The following ACTR3C variants were observed in gnomAD, a reference collection of about 807,000 sequenced individuals.
ACTR3C encodes the protein actin related protein 3C, also known as actin-related protein 3C.
In ACTR3C, 18 loss-of-function variants were observed where a neutral mutation model predicts 26.3. The ratio of observed to expected loss-of-function variants is 0.68; its 90% CI spans 0.47 to 1.01. The LOEUF is 1.01. Among genes scored for constraint, ACTR3C ranks in the 50% least tolerant of loss-of-function variants. The pLI is 0.00. For missense variants in ACTR3C, 184 were observed against 250.7 expected (o/e 0.73, Z 1.80); for synonymous variants, 55 against 94.5 (o/e 0.58, Z 2.42).
intron 6 of ACTR3C, among the ~76,000 whole-genome samples, chr7:150,256,884 G>A (rs1222962007): frequency 2.6e-5 from 4 of 152,118 alleles, no homozygotes; most frequent in Non-Finnish European, 4.4e-5. Context: ...GGCTTCTCAA[G>A]TAAACATGGT....
chr7:149,894,651 A>G, the ACTR3C span, among the ~76,000 whole-genome samples: 1 of 152,266 alleles, frequency 6.6e-6, no homozygotes, highest in East Asian at 1.9e-4. Context: ...CAATATCACT[A>G]ATCATCGGGG....
chr7:150,140,355 A>G, the ACTR3C span, among the ~76,000 whole-genome samples: 1 of 152,182 alleles, frequency 6.6e-6, no homozygotes, highest in Non-Finnish European at 1.5e-5. Flanking sequence ...AGGCCTTTGA[A>G]TTATAAAATT....
chr7:149,898,757 T>TCA, the ACTR3C span, among the ~76,000 whole-genome samples: 5 of 151,414 alleles, frequency 3.3e-5, no homozygotes, highest in African/African-American at 9.7e-5. Context: ...TTAAAACACA[T>TCA]CACACACACA....
At chr7:150,125,552 A>G in the ACTR3C span, among the ~76,000 whole-genome samples, 515 of 148,948 alleles carry the variant, frequency 3.5e-3, no homozygotes, top group African/African-American at 0.012. Context: ...GACTCCTTTC[A>G]TAAGTGAAAT....
At chr7:150,116,816 C>T in the ACTR3C span, among the ~76,000 whole-genome samples, 27 of 152,164 alleles carry the variant, frequency 1.8e-4, no homozygotes, top group Non-Finnish European at 7.4e-5. Context: ...GGAACAGCTC[C>T]GATCTGCAGC....
chr7:150,287,360 A>ATGC (rs147061695), intron 4 of ACTR3C, among the ~76,000 whole-genome samples: 15,718 of 151,998 alleles, frequency 0.1, 1,080 homozygotes, highest in African/African-American at 0.19. Flanking sequence ...AGCCGCCAGG[A>ATGC]TGCTGCTGCT....
the ACTR3C span, among the ~76,000 whole-genome samples, chr7:150,105,869 A>G: frequency 6.6e-6 from 1 of 152,100 alleles, no homozygotes; most frequent in South Asian, 2.1e-4. Context: ...TATGAACAGC[A>G]TAATTTTAGT....
chr7:150,155,912 G>A, the ACTR3C span, among the ~76,000 whole-genome samples: 1 of 151,568 alleles, frequency 6.6e-6, no homozygotes, highest in Admixed American at 6.6e-5. Flanking sequence ...TTCATTTAAT[G>A]GGCCATATTC....
the ACTR3C span, among the ~76,000 whole-genome samples, chr7:150,036,052 G>A: frequency 1.7e-3 from 199 of 119,188 alleles, 16 homozygotes; most frequent in East Asian, 7.3e-3. Context: ...AGAGGGGCTC[G>A]CTCTCAGTCC....
chr7:150,169,904 G>A, the ACTR3C span, among the ~76,000 whole-genome samples: 11 of 149,596 alleles, frequency 7.4e-5, 1 homozygote, highest in South Asian at 6.3e-4. Flanking sequence ...TACTTTCCCC[G>A]TTTTCTTCTT....
chr7:149,949,718 C>A, the ACTR3C span, among the ~76,000 whole-genome samples: 2 of 147,102 alleles, frequency 1.4e-5, no homozygotes, highest in Non-Finnish European at 2.9e-5. Context: ...ATGCTTCCTG[C>A]AAAGAAAAGC....
the ACTR3C span, among the ~76,000 whole-genome samples, chr7:150,228,111 A>G: frequency 1.9e-4 from 29 of 152,250 alleles, no homozygotes; most frequent in East Asian, 1.7e-3. Context: ...ACATCTTAAT[A>G]TTATTGAGTG....
chr7:149,891,392 A>T, the ACTR3C span: 1 of 1,219,150 alleles, frequency 8.2e-7, no homozygotes, highest in South Asian at 1.6e-5. Context: ...TGTATTATTA[A>T]GAATAAAGGT....
At chr7:150,121,622 A>G in the ACTR3C span, among the ~76,000 whole-genome samples, 1 of 150,062 alleles carries the variant, frequency 6.7e-6, no homozygotes, top group Non-Finnish European at 1.5e-5. Context: ...AGTCATGGAT[A>G]AGAAGAATCA....
chr7:150,074,018 T>G, the ACTR3C span: 1 of 152,308 alleles, frequency 6.6e-6, no homozygotes, highest in Non-Finnish European at 1.5e-5. Context: ...CAGGGATCAC[T>G]GTCATCACAA....
chr7:150,035,567 G>T, the ACTR3C span, among the ~76,000 whole-genome samples: 1 of 131,120 alleles, frequency 7.6e-6, no homozygotes, highest in Non-Finnish European at 1.7e-5. Context: ...CGCAGAGCCG[G>T]GGGGGAAGAG....
chr7:150,019,632 T>TAATAATAATAATAAA, the ACTR3C span, among the ~76,000 whole-genome samples: 2 of 145,804 alleles, frequency 1.4e-5, no homozygotes, highest in African/African-American at 5.0e-5. Context: ...ATAATAATAA[T>TAATAATAATAATAAA]AAAATCTATA....
chr7:150,045,470 T>A, the ACTR3C span, among the ~76,000 whole-genome samples: 1 of 151,882 alleles, frequency 6.6e-6, no homozygotes, highest in Admixed American at 6.6e-5. Flanking sequence ...TATGTGCAGA[T>A]AATGGGCAAG....
chr7:150,146,666 C>T, the ACTR3C span, among the ~76,000 whole-genome samples: 1 of 152,122 alleles, frequency 6.6e-6, no homozygotes, highest in African/African-American at 2.4e-5. Flanking sequence ...GCCTGGCCTT[C>T]AAAACATCCG....
Sources: allele counts gnomAD v4.1 joint callset (sites outside exome capture counted in the v4.1 genomes callset), GRCh38; gene constraint gnomAD v4.1.1; transcripts MANE v1.5; gene names NCBI Gene and HGNC (gene_info 2026-07-23, HGNC 2026-07-21).